MEIS2: variants seen among roughly 807,000 people sequenced by gnomAD.
MEIS2 encodes Meis homeobox 2.
A neutral mutation model predicts 58.6 loss-of-function variants in MEIS2; 9 were observed. That is an observed-to-expected ratio of 0.15 (90% CI 0.09 to 0.27). MEIS2 has a LOEUF of 0.27. MEIS2 is among the 10% of genes least tolerant of loss of function. The pLI is 1.00. For synonymous variants in MEIS2, 221 were observed against 228.4 expected (o/e 0.97, Z 0.29); for missense variants, 427 against 635.0 (o/e 0.67, Z 3.52).
At chr15:36,906,024 C>T (rs186511667) in intron 9 of MEIS2, among the ~76,000 whole-genome samples, 53 of 152,168 alleles carry the variant, frequency 3.5e-4, no homozygotes, top group African/African-American at 1.1e-3. Flanking sequence ...ATTAAAAGAA[C>T]GTGGAATGTT....
chr15:36,955,637 C>T (rs1321169740), intron 8 of MEIS2, among the ~76,000 whole-genome samples: 1 of 152,118 alleles, frequency 6.6e-6, no homozygotes, highest in Non-Finnish European at 1.5e-5. Context: ...CTCTCTGACT[C>T]TCTTTCTCTG....
intron 6 of MEIS2, among the ~76,000 whole-genome samples, chr15:37,088,299 AC>A (rs1893128994): frequency 6.6e-6 from 1 of 152,190 alleles, no homozygotes; most frequent in Non-Finnish European, 1.5e-5. Context: ...TAGTAAACAT[AC>A]ATAAAGATAT....
intron 7 of MEIS2, among the ~76,000 whole-genome samples, chr15:37,051,357 C>T (rs568558899): frequency 3.1e-4 from 47 of 152,172 alleles, no homozygotes; most frequent in South Asian, 6.2e-4. Context: ...GAAAGCCACA[C>T]GCAAAAGGCC....
At chr15:36,996,064 CATAT>C (rs144257351) in intron 8 of MEIS2, among the ~76,000 whole-genome samples, 15 of 136,300 alleles carry the variant, frequency 1.1e-4, no homozygotes, top group South Asian at 2.3e-4. Context: ...TATACACACA[CATAT>C]ATATATATAT....
intron 8 of MEIS2, among the ~76,000 whole-genome samples, chr15:36,955,541 T>C (rs1290226006): frequency 6.6e-6 from 1 of 152,160 alleles, no homozygotes; most frequent in Non-Finnish European, 1.5e-5. Flanking sequence ...TATGGTAAAA[T>C]GAGAGAAGGT....
intron 8 of MEIS2, among the ~76,000 whole-genome samples, chr15:37,009,217 A>G (rs1185280558): frequency 2.0e-5 from 3 of 152,302 alleles, no homozygotes; most frequent in South Asian, 4.1e-4. Context: ...TGAACCTGGG[A>G]GGCGGAGCTT....
chr15:37,056,276 A>G (rs1243805260), intron 7 of MEIS2, among the ~76,000 whole-genome samples: 1 of 152,216 alleles, frequency 6.6e-6, no homozygotes, highest in Non-Finnish European at 1.5e-5. Context: ...GCAGATTTTC[A>G]GAAGTTAATG....
chr15:37,023,740 T>C (rs1317339395), intron 8 of MEIS2, among the ~76,000 whole-genome samples: 1 of 152,100 alleles, frequency 6.6e-6, no homozygotes, highest in East Asian at 1.9e-4. Context: ...TGCATTTCCG[T>C]GCCTTCCTAA....
At chr15:36,915,172 A>G (rs139886819) in intron 9 of MEIS2, among the ~76,000 whole-genome samples, 6 of 149,826 alleles carry the variant, frequency 4.0e-5, no homozygotes, top group Admixed American at 2.7e-4. Flanking sequence ...CTTCCCAGAT[A>G]AACATAGTCC....
At chr15:37,065,256 T>C (rs1889760774) in intron 7 of MEIS2, among the ~76,000 whole-genome samples, 1 of 152,160 alleles carries the variant, frequency 6.6e-6, no homozygotes, top group Non-Finnish European at 1.5e-5. Flanking sequence ...GGCTTCATGC[T>C]TTTGACACTA....
intron 8 of MEIS2, among the ~76,000 whole-genome samples, chr15:37,011,939 C>A (rs1272456300): frequency 1.3e-5 from 2 of 151,940 alleles, no homozygotes; most frequent in East Asian, 1.9e-4. Flanking sequence ...GTCCATAGAT[C>A]CCTATGTGAA....
At chr15:36,895,810 C>T (rs772093761) in intron 10 of MEIS2, among the ~76,000 whole-genome samples, 11 of 152,098 alleles carry the variant, frequency 7.2e-5, no homozygotes, top group Non-Finnish European at 1.2e-4. Flanking sequence ...CATATTTTGG[C>T]GTTATTGGGG....
intron 8 of MEIS2, among the ~76,000 whole-genome samples, chr15:36,990,225 A>G (rs778921297): frequency 2.0e-5 from 3 of 152,102 alleles, no homozygotes; most frequent in Non-Finnish European, 2.9e-5. Context: ...GATTACAGGC[A>G]TGAGCCACCG....
At chr15:36,925,424 G>T (rs147900245) in intron 9 of MEIS2, among the ~76,000 whole-genome samples, 3 of 152,224 alleles carry the variant, frequency 2.0e-5, no homozygotes, top group East Asian at 3.8e-4. Context: ...TTTCCTCAAA[G>T]TGATGCACGT....
At chr15:37,091,225 C>T (rs557049521) in intron 6 of MEIS2, among the ~76,000 whole-genome samples, 315 of 152,156 alleles carry the variant, frequency 2.1e-3, no homozygotes, top group Non-Finnish European at 3.6e-3. Context: ...AAGGGGGAAG[C>T]CTGGACATGA....
intron 9 of MEIS2, among the ~76,000 whole-genome samples, chr15:36,949,795 G>T (rs1019797171): frequency 6.6e-6 from 1 of 151,854 alleles, no homozygotes; most frequent in Non-Finnish European, 1.5e-5. Flanking sequence ...ACACCAGCAC[G>T]GGAGTAATCT....
intron 1 of MEIS2, chr15:37,099,175 A>G (rs1894783961): frequency 3.1e-6 from 4 of 1,275,598 alleles, no homozygotes; most frequent in South Asian, 2.1e-5. Flanking sequence ...TTGCACACGC[A>G]CACACACACA....
chr15:36,914,631 C>G (rs2057188761), intron 9 of MEIS2, among the ~76,000 whole-genome samples: 1 of 152,102 alleles, frequency 6.6e-6, no homozygotes, highest in Non-Finnish European at 1.5e-5. Context: ...GAAGTGGAGC[C>G]GAGAGGGTGT....
At chr15:37,019,498 A>T (rs115957235) in intron 8 of MEIS2, among the ~76,000 whole-genome samples, 3,525 of 152,294 alleles carry the variant, frequency 0.023, 151 homozygotes, top group African/African-American at 0.079. Flanking sequence ...TGGGAGTAGT[A>T]TTTTGCTATA....
Sources: gnomAD v4.1 joint callset for allele counts (sites outside exome capture counted in the v4.1 genomes callset) on GRCh38, gnomAD v4.1.1 for gene constraint, MANE v1.5 for transcripts, NCBI Gene and HGNC (gene_info 2026-07-23, HGNC 2026-07-21) for gene names.